Variants in GABRB2 observed in about 807,000 individuals in gnomAD.
GABRB2 encodes the protein gamma-aminobutyric acid receptor subunit beta-2.
GABRB2 carries 16 observed loss-of-function variants against 54.7 expected under a neutral mutation model. That is an observed-to-expected ratio of 0.29 (90% CI 0.20 to 0.44). The LOEUF is 0.44. Among genes scored for constraint, GABRB2 ranks in the 20% least tolerant of loss-of-function variants. The pLI, the probability that GABRB2 is intolerant of heterozygous loss-of-function variation, is 1.00. For missense variants in GABRB2, 355 were observed against 644.0 expected, an observed-to-expected ratio of 0.55 and a Z score of 4.86; for synonymous variants, 244 against 233.8, an observed-to-expected ratio of 1.04 and a Z score of -0.40.
intron 5 of GABRB2, among the ~76,000 whole-genome samples, chr5:161,350,894 C>T (rs1034321223): frequency 1.3e-5 from 2 of 152,060 alleles, no homozygotes; most frequent in Non-Finnish European, 1.5e-5. Flanking sequence ...GGGTCTCTGG[C>T]CTTTGGTCAC....
At chr5:161,483,788 C>T (rs995704750) in intron 3 of GABRB2, among the ~76,000 whole-genome samples, 1 of 151,894 alleles carries the variant, frequency 6.6e-6, no homozygotes, top group African/African-American at 2.4e-5. Context: ...GTGGGATTAT[C>T]ATGATTTTAT....
At chr5:161,513,638 G>A (rs1255131052) in intron 3 of GABRB2, among the ~76,000 whole-genome samples, 3 of 151,950 alleles carry the variant, frequency 2.0e-5, no homozygotes, top group Non-Finnish European at 1.5e-5. Flanking sequence ...GTAGGGGAGG[G>A]AGGACAATGG....
At chr5:161,542,857 T>A (rs1380975731) in intron 3 of GABRB2, among the ~76,000 whole-genome samples, 1 of 152,168 alleles carries the variant, frequency 6.6e-6, no homozygotes, top group African/African-American at 2.4e-5. Flanking sequence ...CAGACCTACA[T>A]ACAGGGTACA....
intron 5 of GABRB2, among the ~76,000 whole-genome samples, chr5:161,408,430 C>A (rs557918381): frequency 6.6e-6 from 1 of 151,936 alleles, no homozygotes; most frequent in Non-Finnish European, 1.5e-5. Context: ...ACTATTAGAT[C>A]TTTAGAGCTT....
intron 9 of GABRB2, among the ~76,000 whole-genome samples, chr5:161,301,119 G>T (rs768686250): frequency 2.0e-5 from 3 of 152,186 alleles, no homozygotes; most frequent in South Asian, 2.1e-4. Flanking sequence ...AAGCAATGGA[G>T]CTGGCATTTA....
chr5:161,294,634 A>G (rs1038967549), intron 9 of GABRB2, among the ~76,000 whole-genome samples: 9 of 152,174 alleles, frequency 5.9e-5, no homozygotes, highest in Non-Finnish European at 1.2e-4. Context: ...ATGATATAAT[A>G]ATCCAACCCT....
intron 3 of GABRB2, among the ~76,000 whole-genome samples, chr5:161,534,280 C>T (rs897470457): frequency 1.3e-5 from 2 of 152,104 alleles, no homozygotes; most frequent in Non-Finnish European, 2.9e-5. Context: ...TTACAATGCA[C>T]AAGATAGCCC....
chr5:161,511,018 G>T (rs1399701449), intron 3 of GABRB2, among the ~76,000 whole-genome samples: 1 of 151,794 alleles, frequency 6.6e-6, no homozygotes, highest in Non-Finnish European at 1.5e-5. Flanking sequence ...TTGATTATTT[G>T]TACCCATACT....
intron 3 of GABRB2, among the ~76,000 whole-genome samples, chr5:161,480,014 C>T (rs952032021): frequency 2.6e-5 from 4 of 152,074 alleles, no homozygotes; most frequent in Non-Finnish European, 5.9e-5. Flanking sequence ...TTCATAATCC[C>T]TGTATTCTGT....
chr5:161,437,918 C>T (rs1757357165), intron 4 of GABRB2, among the ~76,000 whole-genome samples: 1 of 152,182 alleles, frequency 6.6e-6, no homozygotes, highest in Non-Finnish European at 1.5e-5. Flanking sequence ...GTTTTTGGCT[C>T]CAGTCCCTGA....
At position 161,385,947 on chromosome 5, in the gene GABRB2, G is replaced by GGTGT. The variant is rs70990781; in HGVS notation, c.541+25024_541+25027dup. ...TTTTAGTAACTGTTACCTATTGTCT[G>GGTGT]GTGTGTGTGTGTGTGTGTGTGTGTG... On this transcript the variant is annotated intron_variant, in intron 5 of 9. Transcript: ENST00000393959. 9.5e-3 allele frequency among the ~76,000 whole-genome samples: 884 copies of GGTGT among 93,350 alleles called. 4 individuals carry two copies. Among genetic ancestry groups the GGTGT allele is most frequent in the African/African-American group, 0.013 (379 of 28,252 alleles). 61.2% of individuals were successfully genotyped at this position (93,350 alleles called of 152,430 possible). A position where few individuals can be genotyped will look rare whatever the true frequency, so the allele number is the denominator to read the frequency against.
intron 5 of GABRB2, among the ~76,000 whole-genome samples, chr5:161,358,575 G>A (rs937384427): frequency 3.3e-5 from 5 of 152,180 alleles, no homozygotes; most frequent in East Asian, 1.9e-4. Flanking sequence ...AATGGCTGGC[G>A]CCATCCCCTT....
At chr5:161,484,079 C>T (rs1437409043) in intron 3 of GABRB2, among the ~76,000 whole-genome samples, 1 of 151,682 alleles carries the variant, frequency 6.6e-6, no homozygotes, top group Non-Finnish European at 1.5e-5. Context: ...AAAAAAAAAG[C>T]AGAGCTTTAT....
intron 4 of GABRB2, among the ~76,000 whole-genome samples, chr5:161,458,548 A>G (rs1166737138): frequency 6.6e-6 from 1 of 152,244 alleles, no homozygotes; most frequent in African/African-American, 2.4e-5. Context: ...GAAAATAAAA[A>G]TGAGATAGAA....
At chr5:161,540,402 T>A (rs1313323786) in intron 3 of GABRB2, among the ~76,000 whole-genome samples, 2 of 152,234 alleles carry the variant, frequency 1.3e-5, no homozygotes, top group African/African-American at 2.4e-5. Flanking sequence ...GTTCTCTTGC[T>A]ATTTCCACCA....
intron 4 of GABRB2, among the ~76,000 whole-genome samples, chr5:161,434,191 T>C (rs910985934): frequency 2.6e-5 from 4 of 152,198 alleles, no homozygotes; most frequent in African/African-American, 9.6e-5. Context: ...AAAATGTTAA[T>C]ATTATATGGC....
At chr5:161,392,401 C>T (rs950027994) in intron 5 of GABRB2, among the ~76,000 whole-genome samples, 11 of 152,102 alleles carry the variant, frequency 7.2e-5, no homozygotes, top group East Asian at 5.8e-4. Flanking sequence ...TTTGGTATAA[C>T]GCCTCCATTC....
rs1215393699 is a variant in GABRB2 at position 161,289,920 on chromosome 5, GTAA to G, written c.*4158_*4160del. ...AAATTACTCTGCTGGGGGCACTGCA[GTAA>G]TAGTACTTAGTAAAAAATAAATAAA... On this transcript the variant is annotated 3_prime_UTR_variant, in exon 10 of 10. Coordinates refer to ENST00000393959, the MANE Select transcript of GABRB2 (RefSeq NM_001371727.1). 1 of 151,944 alleles carries G rather than the reference GTAA, an allele frequency of 6.6e-6. No individual in the cohort carries two copies. The highest frequency in any genetic ancestry group is 2.4e-5 in the African/African-American group (1 of 41,334). 9.4% of individuals were successfully genotyped at this position (151,944 alleles called of 1,614,324 possible). A position where few individuals can be genotyped will look rare whatever the true frequency, so the allele number is the denominator to read the frequency against.
chr5:161,483,417 T>C (rs1471920203), intron 3 of GABRB2, among the ~76,000 whole-genome samples: 2 of 151,988 alleles, frequency 1.3e-5, no homozygotes, highest in Non-Finnish European at 2.9e-5. Context: ...GGATTCGTTA[T>C]TTAAAAATTA....
Sources: gnomAD v4.1 joint callset for allele counts (sites outside exome capture counted in the v4.1 genomes callset) on GRCh38, gnomAD v4.1.1 for gene constraint, MANE v1.5 for transcripts, NCBI Gene and HGNC (gene_info 2026-07-23, HGNC 2026-07-21) for gene names.